CCAR2: variants seen among roughly 807,000 people sequenced by gnomAD.
The protein encoded by CCAR2 is cell cycle and apoptosis regulator 2.
CCAR2 carries 21 observed loss-of-function variants against 108.1 expected under a neutral mutation model. The ratio of observed to expected loss-of-function variants is 0.19; its 90% confidence interval spans 0.14 to 0.28. The LOEUF (loss-of-function observed/expected upper bound fraction) is 0.28. Among genes scored for constraint, CCAR2 ranks in the 10% least tolerant of loss-of-function variants. CCAR2 has a pLI of 1.00. For missense variants in CCAR2, 1,126 were observed against 1,177.0 expected, an observed-to-expected ratio of 0.96 and a Z score of 0.63; for synonymous variants, 577 against 472.8, an observed-to-expected ratio of 1.22 and a Z score of -2.86.
intron 1 of CCAR2, 120 bp downstream of exon 1, chr8:22,604,962 T>C (rs1801007205): frequency 6.0e-6 from 2 of 331,194 alleles, no homozygotes; most frequent in South Asian, 2.2e-5. Flanking sequence ...GCCGAGCCCC[T>C]CTTTGGACTG....
intron 11 of CCAR2, 106 bp downstream of exon 11, chr8:22,615,107 C>T (rs1360500618): frequency 1.6e-5 from 22 of 1,371,334 alleles, no homozygotes; most frequent in African/African-American, 4.4e-5. Flanking sequence ...TCTCTGCCCC[C>T]TAGTCCCGTT....
chr8:22,612,275 C>CTT (rs529879728), intron 7 of CCAR2, among the ~76,000 whole-genome samples: 2 of 138,676 alleles, frequency 1.4e-5, no homozygotes, highest in African/African-American at 2.7e-5. Context: ...ATAAAATTTA[C>CTT]TTTTTTTTTT....
intron 1 of CCAR2, 30 bp downstream of exon 1, chr8:22,604,872 T>TGCCCCTTCGCCCCTCC (rs1563899977): frequency 3.6e-5 from 16 of 447,268 alleles, no homozygotes; most frequent in Non-Finnish European, 5.4e-5. Flanking sequence ...GCCGCCCCTC[T>TGCCCCTTCGCCCCTCC]GCCCCTTCGC....
downstream of CCAR2, chr8:22,621,278 GGAA>G (rs202037271): frequency 7.1e-3 from 8,076 of 1,143,714 alleles, 39 homozygotes; most frequent in Middle Eastern, 0.016. Flanking sequence ...GCCAGGCTCA[GGAA>G]GAGTCATTCA....
intron 10 of CCAR2, 41 bp downstream of exon 10, chr8:22,614,544 T>C: frequency 1.3e-6 from 2 of 1,537,844 alleles, no homozygotes; most frequent in Non-Finnish European, 1.8e-6. Flanking sequence ...TCACGGGTAA[T>C]GTGCACAACC....
rs114094449 is a variant in CCAR2 at position 22,610,412 on chromosome 8, G to C, written c.584+2347G>C. On this transcript the variant is annotated intron_variant, in intron 7 of 20. Coordinates refer to ENST00000308511, the MANE Select transcript of CCAR2 (RefSeq NM_001393997.1). ...GTGTACCCAGCTGGGCTCTGCTGCT[G>C]CAAGTCCTGAGAGGTCAGCCCCTGG... Among the ~76,000 whole-genome samples the C allele has an allele frequency of 7.1e-3, 1,077 of 152,318 alleles. 15 individuals are homozygous for C. The highest frequency in any genetic ancestry group is 0.025 in the African/African-American group (1,026 of 41,554).
intron 7 of CCAR2, among the ~76,000 whole-genome samples, chr8:22,611,404 G>GTGTGTGTA (rs1427803187): frequency 6.6e-5 from 7 of 105,318 alleles, no homozygotes; most frequent in South Asian, 5.8e-4. Context: ...GTGTGTGTGT[G>GTGTGTGTA]TATGTGTGTG....
intron 11 of CCAR2, 49 bp downstream of exon 11, chr8:22,615,050 A>G: frequency 6.7e-7 from 1 of 1,493,720 alleles, no homozygotes; most frequent in Non-Finnish European, 8.9e-7. Flanking sequence ...CAGGTTGGGG[A>G]GGTTTTGTTG....
intron 8 of CCAR2, 148 bp downstream of exon 8, chr8:22,613,284 G>A: frequency 1.4e-6 from 1 of 728,952 alleles, no homozygotes; most frequent in Non-Finnish European, 1.9e-6. Context: ...TGTACATACT[G>A]TTTGGTGGTT....
intron 14 of CCAR2, 199 bp downstream of exon 14, chr8:22,616,447 A>G: frequency 1.7e-6 from 1 of 596,736 alleles, no homozygotes. Context: ...ATGGCTGAGC[A>G]GCCTGACAGC....
chr8:22,609,124 C>T (rs1458112453), intron 7 of CCAR2, among the ~76,000 whole-genome samples: 1 of 148,902 alleles, frequency 6.7e-6, no homozygotes. Context: ...GATCACGGCT[C>T]ATTGCAGCCT....
chr8:22,606,521 G>A lies in CCAR2; in HGVS notation c.151-86G>A, dbSNP rs535170148. ...TTGATGCAGTACGCTGAGCTGGGGC[G>A]TGGGTTGAGATGAGACCTTCATGGC... On this transcript the variant is annotated intron_variant, in intron 3 of 20. Coordinates refer to ENST00000308511, the MANE Select transcript of CCAR2 (RefSeq NM_001393997.1). 211 of 1,041,744 alleles carry A rather than the reference G, an allele frequency of 2.0e-4. 1 individual carries two copies. The highest frequency in any genetic ancestry group is 1.0e-3 in the African/African-American group (65 of 63,708). The allele number at this position is 1,041,744 out of a possible 1,614,324, so 64.5% of individuals were successfully genotyped here. A position where few individuals can be genotyped will look rare whatever the true frequency, so the allele number is the denominator to read the frequency against.
intron 3 of CCAR2, 82 bp downstream of exon 3, chr8:22,606,258 A>G: frequency 1.7e-6 from 2 of 1,175,802 alleles, no homozygotes; most frequent in Non-Finnish European, 2.5e-6. Context: ...CTCTTACATA[A>G]TAGTGTTTAT....
At chr8:22,616,337 T>C (rs6558167) in intron 14 of CCAR2, 89 bp downstream of exon 14, 443,169 of 1,216,050 alleles carry the variant, frequency 0.36, 82,812 homozygotes, top group African/African-American at 0.49. Flanking sequence ...TTCCTGTGCC[T>C]TAGCTCATTC....
chr8:22,619,720 G>A lies in CCAR2; in HGVS notation c.*38G>A. ...GAACTGCCATCCTGTGAGGGCAGCGGTGGCGCCCGGCAAAGTTGGAGCCCT... is the reference window on the plus strand; with the variant it reads ...GAACTGCCATCCTGTGAGGGCAGCGATGGCGCCCGGCAAAGTTGGAGCCCT... On this transcript the variant is annotated 3_prime_UTR_variant, in exon 21 of 21. Coordinates refer to ENST00000308511, the MANE Select transcript of CCAR2 (RefSeq NM_001393997.1). The A allele has an allele frequency of 1.3e-6, 2 of 1,550,652 alleles. No individual in the cohort carries two copies. The highest frequency in any genetic ancestry group is 1.7e-6 in the Non-Finnish European group (2 of 1,147,064).
At chr8:22,613,896 C>G (rs1801393343) in intron 8 of CCAR2, 196 bp from the exon 9 acceptor site, 2 of 587,142 alleles carry the variant, frequency 3.4e-6, no homozygotes, top group East Asian at 5.6e-5. Context: ...TCTTTTTTCC[C>G]TTTCCCAGTT....
rs796510157 is a variant in CCAR2 at position 22,616,896 on chromosome 8, TGG to T, written c.1846-521_1846-520del. ...TTTTTTTTTTTTTTTTTTTTTTTTTTGGGGAGATGGAGTCTTGCTCTGTCACC... is the reference window on the plus strand; with the variant it reads ...TTTTTTTTTTTTTTTTTTTTTTTTTTGGAGATGGAGTCTTGCTCTGTCACC... On this transcript the variant is annotated intron_variant, in intron 14 of 20. Transcript: ENST00000308511. Among the ~76,000 whole-genome samples, 227 of 33,076 alleles carry T rather than the reference TGG, an allele frequency of 6.9e-3. 25 individuals are homozygous for T. Among genetic ancestry groups the T allele is most frequent in the African/African-American group, 0.036 (209 of 5,738 alleles). 21.7% of individuals were successfully genotyped at this position (33,076 alleles called of 152,430 possible).
Position 22,619,653 on chromosome 8 carries a change from GAGA to G in CCAR2, c.2746_2748del (p.Lys916del), listed in dbSNP as rs777166107. The G allele has an allele frequency of 2.4e-5, 38 of 1,575,222 alleles. No homozygotes were observed. Among genetic ancestry groups the G allele is most frequent in the Non-Finnish European group, 2.7e-5 (31 of 1,159,974 alleles). ...TTTCAAACAGGCTGACAGCTGGGTG[GAGA>G]AGGAGGAGCCGGCACCTAGCAACTG... On this transcript the variant is annotated inframe_deletion, in exon 21 of 21. Transcript: ENST00000308511.
chr8:22,614,375 TCTC>T lies in CCAR2; in HGVS notation c.928-9_928-7del, dbSNP rs1386790799. On this transcript the variant is annotated splice_polypyrimidine_tract_variant and intron_variant, in intron 9 of 20. Transcript: ENST00000308511. ...TGGAGGCTGAAGGCAGCTCTGAGTG[TCTC>T]CTCCTGCACAGGTACTGCTGCTCTC... is the stretch of plus-strand genomic sequence containing the variant. 1.2e-6 allele frequency: 2 copies of T among 1,613,926 alleles called. No homozygotes were observed. Among genetic ancestry groups the T allele is most frequent in the Admixed American group, 1.7e-5 (1 of 60,030 alleles).
Sources: allele counts gnomAD v4.1 joint callset (sites outside exome capture counted in the v4.1 genomes callset), GRCh38; gene constraint gnomAD v4.1.1; transcripts MANE v1.5; gene names NCBI Gene and HGNC (gene_info 2026-07-23, HGNC 2026-07-21).